The following CP variants were observed in gnomAD, a reference collection of about 807,000 sequenced individuals.
CP encodes caeruloplasmin.
A neutral mutation model predicts 122.4 loss-of-function variants in CP; 64 were observed. The observed-to-expected ratio is 0.52, with a 90% CI of 0.43 to 0.64. The LOEUF (loss-of-function observed/expected upper bound fraction) is 0.64. CP is among the 30% of genes least tolerant of loss of function. The pLI is 0.00. For synonymous variants in CP, 440 were observed against 436.4 expected, an observed-to-expected ratio of 1.01 and a Z score of -0.10; for missense variants, 1,167 against 1,284.4, an observed-to-expected ratio of 0.91 and a Z score of 1.40.
chr3:149,186,776 T>C (rs781693712), intron 10 of CP, 44 bp from the exon 11 acceptor site: 1 of 1,566,400 alleles, frequency 6.4e-7, no homozygotes, highest in Non-Finnish European at 8.8e-7. Flanking sequence ...GTTTAGATTC[T>C]ACTACATGAC....
At chr3:149,180,315 C>A (rs185208633) in intron 14 of CP, among the ~76,000 whole-genome samples, 1 of 152,334 alleles carries the variant, frequency 6.6e-6, no homozygotes, top group East Asian at 1.9e-4. Context: ...TAACCACACC[C>A]TCGGCCTTGG....
rs751959181 is a variant in CP at position 149,210,206 on chromosome 3, C to T, written c.568G>A (p.Ala190Thr). 1 of 1,614,000 alleles carries T rather than the reference C, an allele frequency of 6.2e-7. No individual in the cohort carries two copies. The highest frequency in any genetic ancestry group is 8.5e-7 in the Non-Finnish European group (1 of 1,179,928). The change falls in exon 3 of 19, where the codon GCC becomes ACC. Residue 190 changes from alanine to threonine, a missense_variant. Transcript: ENST00000264613. ...ATTAAAGGTCCGATGAGTCCTGAGG[C>T]AATATCTTTTGGAGCATCAATGTGG... ...HSHIDAPKDI[A>T]SGLIGPLIIC...
chr3:149,176,024 A>T (rs1725394004), intron 18 of CP: 1 of 556,716 alleles, frequency 1.8e-6, no homozygotes, highest in African/African-American at 1.9e-5. Context: ...TTAACTTAGA[A>T]ATGACTGGTG....
chr3:149,194,163 C>T (rs900659570), intron 9 of CP, among the ~76,000 whole-genome samples: 2 of 151,400 alleles, frequency 1.3e-5, no homozygotes, highest in South Asian at 2.1e-4. Context: ...AAAGTAAGCA[C>T]AAGATCAAGA....
intron 7 of CP, 63 bp from the exon 8 acceptor site, chr3:149,199,927 G>A: frequency 6.6e-7 from 1 of 1,517,374 alleles, no homozygotes; most frequent in Middle Eastern, 2.0e-4. Flanking sequence ...GTATAAGATA[G>A]TTATCTTCTT....
At chr3:149,190,474 A>G (rs1158253003) in intron 9 of CP, among the ~76,000 whole-genome samples, 2 of 152,118 alleles carry the variant, frequency 1.3e-5, no homozygotes, top group African/African-American at 4.8e-5. Flanking sequence ...CCTGGCCAAC[A>G]TGGTGAAACC....
intron 10 of CP, 109 bp downstream of exon 10, chr3:149,187,943 A>G (rs1726280300): frequency 8.4e-7 from 1 of 1,186,466 alleles, no homozygotes; most frequent in Middle Eastern, 2.8e-4. Flanking sequence ...GTAATCGTTT[A>G]TTGAAAAAAT....
Position 149,177,967 on chromosome 3 carries a change from C to A in CP, c.2891G>T (p.Arg964Ile), listed in dbSNP as rs776543294. ...ESNKMHAING[R>I]MFGNLQGLTM... ...GAGGCCTTGTAGGTTTCCAAACATTCTTCCATTAATAGCTAGGGAAAGCAT... is the reference window on the plus strand; with the variant it reads ...GAGGCCTTGTAGGTTTCCAAACATTATTCCATTAATAGCTAGGGAAAGCAT... The change falls in exon 17 of 19, where the codon AGA (arginine) becomes ATA (isoleucine). Residue 964 changes from arginine (R) to isoleucine (I), a missense_variant. Arg to Ile is a moderately conservative substitution (Grantham distance 97). This residue lies in a region of CP where 525 missense variants were observed against 657.2 expected (regional missense o/e 0.80). Transcript: ENST00000264613. 6 of 1,613,422 alleles carry A rather than the reference C, an allele frequency of 3.7e-6. No individual in the cohort carries two copies. The African/African-American group carries it at 6.7e-5, about 18-fold the overall frequency.
At chr3:149,198,234 A>G (rs1727027844) in intron 9 of CP, 133 bp downstream of exon 9, 1 of 675,638 alleles carries the variant, frequency 1.5e-6, no homozygotes, top group Admixed American at 2.8e-5. Context: ...GGCATTTTTA[A>G]AGAAGTCCTT....
chr3:149,175,726 GA>G (rs957894074), intron 18 of CP, among the ~76,000 whole-genome samples: 2 of 150,780 alleles, frequency 1.3e-5, no homozygotes, highest in Non-Finnish European at 3.0e-5. Context: ...AGGGGTTGGG[GA>G]GCAGTGCATT....
chr3:149,164,025 A>G, intron 5 of CP: 1 of 762,854 alleles, frequency 1.3e-6, no homozygotes, highest in Non-Finnish European at 2.3e-6. Context: ...CTGAGACCCC[A>G]GGTGTCCTGT....
At chr3:149,185,058 T>C in intron 12 of CP, 181 bp downstream of exon 12, 2 of 634,776 alleles carry the variant, frequency 3.2e-6, no homozygotes, top group East Asian at 2.6e-5. Flanking sequence ...TTAAGGAAAT[T>C]GAGAGAAGCG....
intron 17 of CP, 112 bp downstream of exon 17, chr3:149,177,728 G>T: frequency 9.0e-7 from 1 of 1,111,024 alleles, no homozygotes; most frequent in Non-Finnish European, 1.4e-6. Flanking sequence ...ATGAAGCACC[G>T]GCTGTACTCT....
At chr3:149,195,861 G>A (rs113494419) in intron 9 of CP, among the ~76,000 whole-genome samples, 9,725 of 141,570 alleles carry the variant, frequency 0.069, 1,093 homozygotes, top group African/African-American at 0.24. Flanking sequence ...GCGAGACACC[G>A]TCTCAAAAAA....
chr3:149,193,522 T>C (rs559384113), intron 9 of CP, among the ~76,000 whole-genome samples: 2 of 152,176 alleles, frequency 1.3e-5, no homozygotes, highest in Non-Finnish European at 2.9e-5. Flanking sequence ...CCCTTTTTTG[T>C]GTTGAGACTA....
chr3:149,221,530 G>T, intron 1 of CP, 117 bp downstream of exon 1: 2 of 894,154 alleles, frequency 2.2e-6, no homozygotes, highest in Non-Finnish European at 1.7e-6. Flanking sequence ...TGGGTTTCAA[G>T]CCCACATTTT....
Position 149,176,406 on chromosome 3 carries a change from C to G in CP, c.3025G>C (p.Gly1009Arg). 1.9e-6 allele frequency: 3 copies of G among 1,607,842 alleles called. No homozygotes were observed. Among genetic ancestry groups the G allele is most frequent in the Non-Finnish European group, 1.7e-6 (2 of 1,174,494 alleles). The change falls in exon 18 of 19, where the codon GGA (glycine) becomes CGA (arginine). Residue 1009 changes from glycine to arginine, a missense_variant. Coordinates refer to ENST00000264613, the MANE Select transcript of CP (RefSeq NM_000096.4). ...TCAAAGACATCAGAACTATAAACTC[C>G]CCTGTGCTTAATTAGAAAAATGACA... ...HGHSFQYKHR[G>R]VYSSDVFDIF...
intron 6 of CP, among the ~76,000 whole-genome samples, chr3:149,204,388 TAGAC>T (rs1727557719): frequency 1.3e-5 from 2 of 152,076 alleles, no homozygotes; most frequent in Admixed American, 1.3e-4. Flanking sequence ...TGGAGAGAAG[TAGAC>T]AGCCTTCAGA....
intron 1 of CP, among the ~76,000 whole-genome samples, chr3:149,215,957 A>G (rs532239166): frequency 6.6e-6 from 1 of 152,318 alleles, no homozygotes; most frequent in South Asian, 2.1e-4. Flanking sequence ...TAATAGTAGC[A>G]TAACTATTTT....
Sources: allele counts gnomAD v4.1 joint callset (sites outside exome capture counted in the v4.1 genomes callset), GRCh38; gene constraint gnomAD v4.1.1; regional missense constraint gnomAD v4.1.1; transcripts MANE v1.5; gene names NCBI Gene and HGNC (gene_info 2026-07-23, HGNC 2026-07-21).